The following ITPKA variants were observed in gnomAD, a reference collection of about 807,000 sequenced individuals.
ITPKA encodes the protein inositol-trisphosphate 3-kinase A.
ITPKA carries 16 observed loss-of-function variants against 40.7 expected under a neutral mutation model. That is an observed-to-expected ratio of 0.39 (90% CI 0.27 to 0.60). The LOEUF (loss-of-function observed/expected upper bound fraction) is 0.60. Ranked by LOEUF, ITPKA falls within the 20% of genes least tolerant of loss-of-function variation. The pLI, the probability that ITPKA is intolerant of heterozygous loss-of-function variation, is 0.50. For synonymous variants in ITPKA, 313 were observed against 289.9 expected (o/e 1.08, Z -0.81); for missense variants, 540 against 649.3 (o/e 0.83, Z 1.83).
intron 1 of ITPKA, chr15:41,501,235 C>A: frequency 1.2e-6 from 1 of 834,386 alleles, no homozygotes; most frequent in Non-Finnish European, 1.4e-6. Context: ...AGTCCAGGCT[C>A]TTGACAGCTC....
rs1265309538 is a variant in ITPKA at position 41,500,709 on chromosome 15, G to A, written c.490-754G>A. On this transcript the variant is annotated intron_variant, in intron 1 of 6. Coordinates refer to ENST00000260386, the MANE Select transcript of ITPKA (RefSeq NM_002220.3). ...CCTGGAATCTTTTGAGGCATTGGTA[G>A]TAATAAAAATTTGGGGGGCCGGGCC... Among the ~76,000 whole-genome samples the A allele has an allele frequency of 2.0e-5, 3 of 152,204 alleles. No homozygotes were observed. In the East Asian group the frequency reaches 5.8e-4, roughly 29 times the overall value.
At position 41,493,969 on chromosome 15, in the gene ITPKA, G is replaced by A; in HGVS notation, c.42G>A (p.Gly14=). 9.4e-7 allele frequency: 1 copy of A among 1,068,252 alleles called. No individual in the cohort carries two copies. Among genetic ancestry groups the A allele is most frequent in the Non-Finnish European group, 1.1e-6 (1 of 884,426 alleles). The allele number at this position is 1,068,252 out of a possible 1,614,324, so 66.2% of individuals were successfully genotyped here. A position where few individuals can be genotyped will look rare whatever the true frequency, so the allele number is the denominator to read the frequency against. Residue 14 remains glycine, a synonymous_variant, in exon 1 of 7, where the codon GGG becomes GGA. Coordinates refer to ENST00000260386, the MANE Select transcript of ITPKA (RefSeq NM_002220.3). ...PGGPTGMARP[G]GARPCSPGLE... is the part of the protein sequence containing the mutation. ...GCCCAACGGGCATGGCGCGGCCGGG[G>A]GGCGCGAGGCCCTGCAGCCCGGGGC...
chr15:41,500,527 G>C (rs1350962200), intron 1 of ITPKA, among the ~76,000 whole-genome samples: 2 of 152,184 alleles, frequency 1.3e-5, no homozygotes, highest in Non-Finnish European at 2.9e-5. Flanking sequence ...ATTGAGATTT[G>C]TTCAGCTTCT....
intron 1 of ITPKA, 86 bp from the exon 2 acceptor site, chr15:41,501,377 G>T (rs2051108775): frequency 1.1e-5 from 17 of 1,528,316 alleles, no homozygotes; most frequent in Non-Finnish European, 8.8e-7. Flanking sequence ...GTGGGTCGGG[G>T]GCGTGGCGAG....
At chr15:41,498,327 A>AT (rs2051088309) in intron 1 of ITPKA, among the ~76,000 whole-genome samples, 1 of 151,094 alleles carries the variant, frequency 6.6e-6, no homozygotes, top group South Asian at 2.1e-4. Flanking sequence ...AAAAAAAAAA[A>AT]GTATTTTGTA....
In ITPKA at chr15:41,502,228, C is replaced by T. The variant is rs1037541821; in HGVS notation, c.1008+27C>T. ...TGAGGCAGGCGCGCTTCGCTGGCAC[C>T]GCCGCAGCCCCACTGCGCGCTGTCT... On this transcript the variant is annotated intron_variant, in intron 4 of 6. Coordinates refer to ENST00000260386, the MANE Select transcript of ITPKA (RefSeq NM_002220.3). 4 of 1,546,572 alleles carry T rather than the reference C, an allele frequency of 2.6e-6. No homozygotes were observed. The African/African-American group carries it at 4.1e-5, about 16-fold the overall frequency.
In ITPKA at chr15:41,494,447, GGCGCGGGGGCT is replaced by G; in HGVS notation, c.489+34_489+44del. ...GGCCGCGGGGGCGGGGCCAGCGCCGGGCGCGGGGGCTGCACGGGGGACCTGGCTGGGTGCTC... is the reference window on the plus strand; with the variant it reads ...GGCCGCGGGGGCGGGGCCAGCGCCGGGCACGGGGGACCTGGCTGGGTGCTC... On this transcript the variant is annotated intron_variant, in intron 1 of 6. Coordinates refer to ENST00000260386, the MANE Select transcript of ITPKA (RefSeq NM_002220.3). The surrounding 1 kb of genome is among the most constrained non-coding windows in gnomAD (Gnocchi z 7.8). 1 of 1,367,698 alleles carries G rather than the reference GGCGCGGGGGCT, an allele frequency of 7.3e-7. No homozygotes were observed. The highest frequency in any genetic ancestry group is 9.5e-7 in the Non-Finnish European group (1 of 1,053,980). 84.7% of individuals were successfully genotyped at this position (1,367,698 alleles called of 1,614,324 possible).
At chr15:41,502,691 T>G (rs1408109654) in intron 5 of ITPKA, 97 bp from the exon 6 acceptor site, 2 of 1,225,714 alleles carry the variant, frequency 1.6e-6, no homozygotes, top group African/African-American at 3.0e-5. Flanking sequence ...CTGGCGGCAT[T>G]TGCCAAGCAC....
At chr15:41,496,463 CCTCA>C (rs1467676519) in intron 1 of ITPKA, among the ~76,000 whole-genome samples, 15 of 152,212 alleles carry the variant, frequency 9.9e-5, no homozygotes, top group Admixed American at 8.5e-4. Context: ...AACTGGGCAG[CCTCA>C]CTCCGGCAGA....
intron 4 of ITPKA, 95 bp from the exon 5 acceptor site, chr15:41,502,307 C>A: frequency 7.3e-7 from 1 of 1,373,456 alleles, no homozygotes; most frequent in Non-Finnish European, 1.0e-6. Flanking sequence ...CCCACCGCCT[C>A]GCCGTCCCCT....
At chr15:41,499,616 CA>C (rs1344733688) in intron 1 of ITPKA, among the ~76,000 whole-genome samples, 21 of 152,206 alleles carry the variant, frequency 1.4e-4, no homozygotes, top group Admixed American at 1.4e-3. Flanking sequence ...GCCACCTCCT[CA>C]GTTCTCTCTC....
chr15:41,502,004 C>A lies in ITPKA; in HGVS notation c.811C>A (p.Leu271Ile). ...CTGCCTGCGCCCCCACAGGACTTAC[C>A]TAGAGGAGGAGCTGACCAAGGCCCG... ...LDCKMGVRTY[L>I]EEELTKARER... The change falls in exon 4 of 7, where the codon CTA becomes ATA. Residue 271 changes from leucine to isoleucine, a missense_variant. By Grantham distance (5) the Leu-to-Ile change is conservative. Transcript: ENST00000260386. The A allele has an allele frequency of 6.2e-7, 1 of 1,613,004 alleles. No homozygotes were observed. Among genetic ancestry groups the A allele is most frequent in the Non-Finnish European group, 8.5e-7 (1 of 1,179,804 alleles).
intron 1 of ITPKA, among the ~76,000 whole-genome samples, chr15:41,500,443 T>C (rs1384183906): frequency 6.6e-6 from 1 of 152,182 alleles, no homozygotes; most frequent in Non-Finnish European, 1.5e-5. Context: ...CCTGGGCCTG[T>C]GTACAGGTTT....
rs1595451828 is a variant in ITPKA at position 41,503,244 on chromosome 15, G to T, written c.*78G>T. On this transcript the variant is annotated 3_prime_UTR_variant, in exon 7 of 7. Transcript: ENST00000260386. ...TTGTCCCCACTGTGCATGCCGGCTT[G>T]AGACTGGAGCCCCGCGGTGCAGGGC... 1 of 1,115,262 alleles carries T rather than the reference G, an allele frequency of 9.0e-7. No homozygotes were observed. The allele number at this position is 1,115,262 out of a possible 1,614,324, so 69.1% of individuals were successfully genotyped here. A position where few individuals can be genotyped will look rare whatever the true frequency, so the allele number is the denominator to read the frequency against.
chr15:41,500,455 T>C (rs913165017), intron 1 of ITPKA, among the ~76,000 whole-genome samples: 11 of 152,212 alleles, frequency 7.2e-5, no homozygotes, highest in African/African-American at 2.4e-4. Context: ...TACAGGTTTG[T>C]TTCTGTGTAT....
Position 41,494,100 on chromosome 15 carries a change from G to T in ITPKA, c.173G>T (p.Gly58Val). The change falls in exon 1 of 7, where the codon GGG becomes GTG. Residue 58 changes from glycine (G) to valine (V), a missense_variant. Coordinates refer to ENST00000260386, the MANE Select transcript of ITPKA (RefSeq NM_002220.3). This position sits in a 1 kb window ranked among gnomAD's most constrained non-coding sequence, Gnocchi z 7.8. ...GCCGCGGGGGAGCCCCGGGCCCGCG[G>T]GGCCAAGCGGCGTGGGGGACAGGTC... ...AAAAGEPRAR[G>V]AKRRGGQVPN... 1 of 1,301,990 alleles carries T rather than the reference G, an allele frequency of 7.7e-7. No homozygotes were observed. The highest frequency in any genetic ancestry group is 9.7e-7 in the Non-Finnish European group (1 of 1,026,832). 80.7% of individuals were successfully genotyped at this position (1,301,990 alleles called of 1,614,324 possible).
chr15:41,502,273 G>A (rs1660066818), intron 4 of ITPKA, 72 bp downstream of exon 4: 7 of 1,065,310 alleles, frequency 6.6e-6, no homozygotes, highest in Admixed American at 4.4e-5. Context: ...CCCCGCTCCC[G>A]CCCCGCCTGC....
intron 4 of ITPKA, 21 bp downstream of exon 4, chr15:41,502,222 T>A (rs1428690378): frequency 7.1e-6 from 11 of 1,551,120 alleles, no homozygotes; most frequent in Non-Finnish European, 7.9e-6. Context: ...CGCGCTTCGC[T>A]GGCACCGCCG....
At chr15:41,496,442 A>T (rs906301070) in intron 1 of ITPKA, among the ~76,000 whole-genome samples, 3 of 152,212 alleles carry the variant, frequency 2.0e-5, no homozygotes, top group Non-Finnish European at 4.4e-5. Flanking sequence ...TGCCCAGAGC[A>T]GGGAAATTGA....
Sources: gnomAD v4.1 joint callset for allele counts (sites outside exome capture counted in the v4.1 genomes callset) on GRCh38, gnomAD v4.1.1 for gene constraint, Gnocchi (gnomAD v3.1) non-coding constraint, MANE v1.5 for transcripts, NCBI Gene and HGNC (gene_info 2026-07-23, HGNC 2026-07-21) for gene names.